Variants in SORCS1 observed in about 807,000 individuals in gnomAD.
The protein encoded by SORCS1 is VPS10 domain-containing receptor SorCS1.
A neutral mutation model predicts 146.1 loss-of-function variants in SORCS1; 60 were observed. The observed-to-expected ratio is 0.41, with a 90% CI of 0.33 to 0.51. The LOEUF (loss-of-function observed/expected upper bound fraction) is 0.51. SORCS1 is among the 20% of genes least tolerant of loss of function. The probability of loss-of-function intolerance (pLI) is 0.21; values close to 1 mark genes in which losing one functional copy is unlikely to be tolerated. For missense variants in SORCS1, 1,352 were observed against 1,487.6 expected, an observed-to-expected ratio of 0.91 and a Z score of 1.50; for synonymous variants, 637 against 584.0, an observed-to-expected ratio of 1.09 and a Z score of -1.31.
intron 8 of SORCS1, among the ~76,000 whole-genome samples, chr10:106,699,680 G>A (rs1346873800): frequency 1.3e-5 from 2 of 152,122 alleles, no homozygotes; most frequent in Non-Finnish European, 2.9e-5. Flanking sequence ...TCTTAAATAT[G>A]TATGATTCGG....
chr10:106,685,476 C>T (rs147514376), intron 10 of SORCS1, among the ~76,000 whole-genome samples: 80 of 152,224 alleles, frequency 5.3e-4, no homozygotes, highest in African/African-American at 1.8e-3. Context: ...AGAGTTAAGA[C>T]AAATACAACT....
intron 2 of SORCS1, among the ~76,000 whole-genome samples, chr10:106,869,223 C>T (rs897031670): frequency 1.3e-5 from 2 of 152,090 alleles, no homozygotes; most frequent in Non-Finnish European, 2.9e-5. Flanking sequence ...AATAAAAGCC[C>T]AGGAACAGAT....
the SORCS1 span, among the ~76,000 whole-genome samples, chr10:107,174,922 A>C: frequency 1.3e-5 from 2 of 152,122 alleles, no homozygotes; most frequent in Non-Finnish European, 2.9e-5. Context: ...TTTTCTTGCC[A>C]ATCACTTTAT....
chr10:106,687,569 G>T (rs569054628), intron 10 of SORCS1, among the ~76,000 whole-genome samples: 6 of 152,252 alleles, frequency 3.9e-5, no homozygotes, highest in South Asian at 4.1e-4. Context: ...GAATAAGCAT[G>T]ACTGTGTTCC....
intron 1 of SORCS1, among the ~76,000 whole-genome samples, chr10:106,983,979 C>T (rs1589849870): frequency 6.6e-6 from 1 of 152,124 alleles, no homozygotes; most frequent in Non-Finnish European, 1.5e-5. Flanking sequence ...AATAAGAAAG[C>T]TGGTGAAATA....
intron 1 of SORCS1, among the ~76,000 whole-genome samples, chr10:107,058,031 T>TA (rs1554934927): frequency 4.0e-5 from 6 of 151,896 alleles, no homozygotes; most frequent in Non-Finnish European, 8.8e-5. Flanking sequence ...AATCAACTTT[T>TA]AAAAAAAATT....
At chr10:106,815,621 A>C (rs1947700643) in intron 3 of SORCS1, among the ~76,000 whole-genome samples, 1 of 152,170 alleles carries the variant, frequency 6.6e-6, no homozygotes, top group African/African-American at 2.4e-5. Flanking sequence ...CCTCCTACTC[A>C]TCATATTATA....
intron 5 of SORCS1, among the ~76,000 whole-genome samples, chr10:106,746,951 G>C (rs185905274): frequency 6.6e-6 from 1 of 152,360 alleles, no homozygotes; most frequent in East Asian, 1.9e-4. Context: ...TGGTGAAGCA[G>C]AAGCTATCCC....
chr10:106,829,736 T>G lies in SORCS1; in HGVS notation c.627-63A>C. Reference sequence around the variant, plus strand: ...TATGTCATTTGGCTGCTTGTCAGTATAATGCATGCTTTACACAGTAGAATG... The same window carrying G: ...TATGTCATTTGGCTGCTTGTCAGTAGAATGCATGCTTTACACAGTAGAATG... On this transcript the variant is annotated intron_variant, in intron 2 of 25. Coordinates refer to ENST00000263054, the MANE Select transcript of SORCS1 (RefSeq NM_052918.5). 1.6e-6 allele frequency: 2 copies of G among 1,228,198 alleles called. 1 individual carries two copies. The highest frequency in any genetic ancestry group is 2.4e-6 in the Non-Finnish European group (2 of 841,566). 76.1% of individuals were successfully genotyped at this position (1,228,198 alleles called of 1,614,324 possible).
intron 2 of SORCS1, among the ~76,000 whole-genome samples, chr10:106,870,761 C>G (rs1950377985): frequency 6.6e-6 from 1 of 152,074 alleles, no homozygotes; most frequent in African/African-American, 2.4e-5. Flanking sequence ...GCAATACCAT[C>G]CTAGACATAG....
chr10:106,626,942 G>A (rs182664617), intron 19 of SORCS1, among the ~76,000 whole-genome samples: 6 of 152,282 alleles, frequency 3.9e-5, no homozygotes, highest in Admixed American at 6.5e-5. Context: ...ATCAGAACAC[G>A]AAACATTCCA....
At chr10:107,045,987 G>A (rs542555468) in intron 1 of SORCS1, among the ~76,000 whole-genome samples, 12 of 150,958 alleles carry the variant, frequency 7.9e-5, no homozygotes, top group East Asian at 3.9e-4. Context: ...TTGCTCTGTC[G>A]TCAGGCTGGA....
intron 2 of SORCS1, among the ~76,000 whole-genome samples, chr10:106,864,789 T>G (rs1950167577): frequency 6.6e-6 from 1 of 152,222 alleles, no homozygotes; most frequent in Admixed American, 6.5e-5. Flanking sequence ...TTTTTCAGCC[T>G]TCGGGCTTTG....
chr10:106,703,497 C>T (rs911394281), intron 8 of SORCS1, among the ~76,000 whole-genome samples: 12 of 152,316 alleles, frequency 7.9e-5, no homozygotes, highest in Non-Finnish European at 1.6e-4. Context: ...TCATTACTTT[C>T]CCCTGTCTGG....
At chr10:107,137,261 C>A (rs1469308163) in intron 1 of SORCS1, among the ~76,000 whole-genome samples, 1 of 152,126 alleles carries the variant, frequency 6.6e-6, no homozygotes, top group Non-Finnish European at 1.5e-5. Flanking sequence ...CAGAGCATTC[C>A]GAGGCCAACT....
At chr10:106,927,189 A>C (rs10786994) in intron 2 of SORCS1, among the ~76,000 whole-genome samples, 10,638 of 152,022 alleles carry the variant, frequency 0.07, 408 homozygotes, top group Admixed American at 0.11. Flanking sequence ...GGACCCTCGC[A>C]GTGAGTGTTA....
At chr10:107,166,056 G>A (rs1469424255), upstream of SORCS1, among the ~76,000 whole-genome samples, 1 of 152,078 alleles carries the variant, frequency 6.6e-6, no homozygotes, top group Non-Finnish European at 1.5e-5. Context: ...GGTTGAAATG[G>A]TTTCAGATTT....
chr10:106,987,945 G>A, intron 1 of SORCS1, among the ~76,000 whole-genome samples: 1 of 151,976 alleles, frequency 6.6e-6, no homozygotes, highest in East Asian at 1.9e-4. Context: ...AATTCCCTCA[G>A]GGCCAACTTT....
intron 2 of SORCS1, among the ~76,000 whole-genome samples, chr10:106,830,522 T>C (rs1948492996): frequency 6.6e-6 from 1 of 151,556 alleles, no homozygotes; most frequent in Admixed American, 6.6e-5. Context: ...TGAATTCAGG[T>C]ATTTTCGCCT....
Sources: allele counts gnomAD v4.1 joint callset (sites outside exome capture counted in the v4.1 genomes callset), GRCh38; gene constraint gnomAD v4.1.1; transcripts MANE v1.5; gene names NCBI Gene and HGNC (gene_info 2026-07-23, HGNC 2026-07-21).